DLGAP2: variants seen among roughly 807,000 people sequenced by gnomAD.
The protein encoded by DLGAP2 is DLG associated protein 2, also known as disks large-associated protein 2.
Under a neutral mutation model 100.3 loss-of-function variants are expected in DLGAP2, and 26 were observed. The observed-to-expected ratio is 0.26, with a 90% CI of 0.19 to 0.36. DLGAP2 has a LOEUF of 0.36. Among genes scored for constraint, DLGAP2 ranks in the 10% least tolerant of loss-of-function variants. DLGAP2 has a pLI of 1.00. For synonymous variants in DLGAP2, 886 were observed against 630.1 expected (o/e 1.41, Z -6.08); for missense variants, 1,858 against 1,453.2 (o/e 1.28, Z -4.53).
chr8:1,544,435 G>A (rs1457466361), intron 4 of DLGAP2, among the ~76,000 whole-genome samples: 1 of 152,158 alleles, frequency 6.6e-6, no homozygotes, highest in Non-Finnish European at 1.5e-5. Context: ...TCAGCATTGA[G>A]TATGATGTTA....
chr8:1,240,022 C>T (rs1365964106), intron 2 of DLGAP2, among the ~76,000 whole-genome samples: 2 of 150,790 alleles, frequency 1.3e-5, no homozygotes, highest in Non-Finnish European at 3.0e-5. Flanking sequence ...CTAGTTCTCT[C>T]ACATGGCGCC....
At chr8:1,163,275 A>C (rs1483015439) in intron 2 of DLGAP2, among the ~76,000 whole-genome samples, 1 of 152,130 alleles carries the variant, frequency 6.6e-6, no homozygotes, top group Non-Finnish European at 1.5e-5. Context: ...CTGTTCTGAG[A>C]TATTAAACTC....
intron 2 of DLGAP2, among the ~76,000 whole-genome samples, chr8:1,044,771 T>G (rs1369144100): frequency 6.6e-6 from 1 of 152,114 alleles, no homozygotes; most frequent in Non-Finnish European, 1.5e-5. Flanking sequence ...CCATACCCCC[T>G]CGCTATGGAA....
At chr8:1,694,900 G>C (rs1799343294) in intron 13 of DLGAP2, among the ~76,000 whole-genome samples, 2 of 152,052 alleles carry the variant, frequency 1.3e-5, no homozygotes, top group East Asian at 1.9e-4. Context: ...TGAATGTTCA[G>C]TGGATTCAGA....
chr8:1,420,827 T>C (rs78508232), intron 3 of DLGAP2, among the ~76,000 whole-genome samples: 9,973 of 152,262 alleles, frequency 0.065, 1,120 homozygotes, highest in African/African-American at 0.23. Context: ...TTAGACCTAT[T>C]GGTGCCATTT....
chr8:1,284,743 C>G (rs1423586546), intron 3 of DLGAP2, among the ~76,000 whole-genome samples: 2 of 152,188 alleles, frequency 1.3e-5, no homozygotes, highest in African/African-American at 4.8e-5. Flanking sequence ...TCCCGAGTAG[C>G]TGGGACCACA....
At chr8:1,160,011 C>T (rs546261095) in intron 2 of DLGAP2, among the ~76,000 whole-genome samples, 3 of 152,122 alleles carry the variant, frequency 2.0e-5, no homozygotes, top group Non-Finnish European at 4.4e-5. Context: ...GGAGGCAGCA[C>T]CACCTGCACG....
At chr8:1,434,167 C>A (rs906814439) in intron 3 of DLGAP2, among the ~76,000 whole-genome samples, 1 of 152,126 alleles carries the variant, frequency 6.6e-6, no homozygotes, top group Non-Finnish European at 1.5e-5. Flanking sequence ...ATATGACCGT[C>A]AGCAGCTCAG....
chr8:1,360,132 C>T (rs1801946589), intron 3 of DLGAP2, among the ~76,000 whole-genome samples: 1 of 151,682 alleles, frequency 6.6e-6, no homozygotes, highest in African/African-American at 2.4e-5. Flanking sequence ...AGGGACTTGC[C>T]TTCTGGGTGT....
chr8:1,116,004 C>T (rs1029464135), intron 2 of DLGAP2, among the ~76,000 whole-genome samples: 1 of 152,160 alleles, frequency 6.6e-6, no homozygotes, highest in African/African-American at 2.4e-5. Flanking sequence ...GCAGACAGCA[C>T]CGTGGGAGCC....
intron 2 of DLGAP2, among the ~76,000 whole-genome samples, chr8:1,204,587 G>GTTTC (rs397937186): frequency 6.6e-6 from 1 of 151,852 alleles, no homozygotes; most frequent in Non-Finnish European, 1.5e-5. Context: ...GTGATAGTTT[G>GTTTC]GGTAATTTTG....
At chr8:1,384,294 C>T (rs1382284900) in intron 3 of DLGAP2, among the ~76,000 whole-genome samples, 1 of 152,238 alleles carries the variant, frequency 6.6e-6, no homozygotes, top group African/African-American at 2.4e-5. Flanking sequence ...CTGCCGTGGC[C>T]TATGCCCGGC....
At chr8:1,701,059 G>A (rs1305615356) in intron 14 of DLGAP2, 129 bp from the exon 15 acceptor site, 2 of 790,764 alleles carry the variant, frequency 2.5e-6, no homozygotes, top group Non-Finnish European at 4.0e-6. Context: ...ACGGGGGACG[G>A]GAGTGAAGGA....
At chr8:1,516,110 T>G (rs2130392793) in intron 4 of DLGAP2, among the ~76,000 whole-genome samples, 1 of 151,140 alleles carries the variant, frequency 6.6e-6, no homozygotes, top group South Asian at 2.1e-4. Context: ...ACTGAGTGAA[T>G]GAGTGACTGA....
chr8:1,625,877 A>T (rs921456221), intron 6 of DLGAP2, among the ~76,000 whole-genome samples: 1 of 152,164 alleles, frequency 6.6e-6, no homozygotes, highest in Non-Finnish European at 1.5e-5. Context: ...GCATATGGCA[A>T]AGTTACTCAT....
intron 3 of DLGAP2, among the ~76,000 whole-genome samples, chr8:1,361,559 G>C (rs1232280210): frequency 6.6e-6 from 1 of 152,200 alleles, no homozygotes; most frequent in Non-Finnish European, 1.5e-5. Context: ...GCTCGTGATT[G>C]TTTTAGAAAA....
At chr8:1,525,842 C>A (rs1800775226) in intron 4 of DLGAP2, among the ~76,000 whole-genome samples, 1 of 152,162 alleles carries the variant, frequency 6.6e-6, no homozygotes. Context: ...GCCTCATCTC[C>A]TGTGTGACGT....
At chr8:1,627,014 C>A in intron 7 of DLGAP2, 127 bp downstream of exon 7, 2 of 1,165,260 alleles carry the variant, frequency 1.7e-6, no homozygotes, top group Admixed American at 2.7e-5. Context: ...AAGGCTACAC[C>A]AAAGGGGGTT....
intron 8 of DLGAP2, among the ~76,000 whole-genome samples, chr8:1,666,711 G>GTT (rs1798552618): frequency 6.6e-6 from 1 of 151,748 alleles, no homozygotes; most frequent in African/African-American, 2.4e-5. Flanking sequence ...CTTTGTAAAT[G>GTT]TTAATATGTA....
Sources: gnomAD v4.1 joint callset for allele counts (sites outside exome capture counted in the v4.1 genomes callset) on GRCh38, gnomAD v4.1.1 for gene constraint, MANE v1.5 for transcripts, NCBI Gene and HGNC (gene_info 2026-07-23, HGNC 2026-07-21) for gene names.